The following CDH12 variants were observed in gnomAD, a reference collection of about 807,000 sequenced individuals.
The protein encoded by CDH12 is cadherin 12.
In CDH12, 41 loss-of-function variants were observed where a neutral mutation model predicts 74.1. The observed-to-expected ratio is 0.55, with a 90% CI of 0.43 to 0.72. CDH12 has a LOEUF of 0.72. Ranked by LOEUF, CDH12 falls within the 30% of genes least tolerant of loss-of-function variation. The pLI is 0.00. For missense variants in CDH12, 945 were observed against 977.2 expected (o/e 0.97, Z 0.44); for synonymous variants, 399 against 355.0 (o/e 1.12, Z -1.39).
At chr5:21,826,653 G>A (rs552403042) in intron 8 of CDH12, among the ~76,000 whole-genome samples, 1 of 152,210 alleles carries the variant, frequency 6.6e-6, no homozygotes, top group Admixed American at 6.5e-5. Flanking sequence ...ATGTAGCGGG[G>A]AAATTACCCT....
intron 1 of CDH12, among the ~76,000 whole-genome samples, chr5:22,541,569 G>A (rs1219090769): frequency 2.0e-5 from 3 of 152,076 alleles, no homozygotes; most frequent in African/African-American, 7.2e-5. Context: ...TCCTAAGTAA[G>A]GTTATTCTTG....
At chr5:22,701,789 C>A (rs1158859829) in intron 1 of CDH12, among the ~76,000 whole-genome samples, 5 of 152,154 alleles carry the variant, frequency 3.3e-5, no homozygotes, top group Non-Finnish European at 7.4e-5. Context: ...CTTCCTGGTT[C>A]TCCACAACAT....
rs199559709 is a variant in CDH12 at position 22,589,002 on chromosome 5, A to AT, written c.-522-83639dup. 2.5e-3 allele frequency among the ~76,000 whole-genome samples: 375 copies of AT among 152,070 alleles called. 3 individuals are homozygous for AT. The highest frequency in any genetic ancestry group is 8.6e-3 in the African/African-American group (357 of 41,458). On this transcript the variant is annotated intron_variant, in intron 1 of 14. Coordinates refer to ENST00000382254, the MANE Select transcript of CDH12 (RefSeq NM_004061.5). The stretch of plus-strand genomic sequence containing the variant: ...ACAGCCCTGTGTTAGATTTGATTAT[A>AT]TTTTTCATACAAGTCTTTCATACCT...
In CDH12 at chr5:21,854,674, T is replaced by C; in HGVS notation, c.643A>G (p.Thr215Ala). ...TTGCCTCTAATAAAAAATTTACCTG[T>C]CTTGGGATCAATAGAGAAATAAGGT... ...GQPYFSIDPK[T>A]GVIRTALPNM... The change falls in exon 7 of 15, where the codon ACA becomes GCA. Residue 215 changes from threonine (T) to alanine (A), a missense_variant. By Grantham distance (58) the Thr-to-Ala change is moderately conservative. This residue lies in a region of CDH12 where 791 missense variants were observed against 792.8 expected (regional missense o/e 1.00). Coordinates refer to ENST00000382254, the MANE Select transcript of CDH12 (RefSeq NM_004061.5). 1 of 1,605,600 alleles carries C rather than the reference T, an allele frequency of 6.2e-7. No homozygotes were observed. Among genetic ancestry groups the C allele is most frequent in the Non-Finnish European group, 8.5e-7 (1 of 1,174,838 alleles).
chr5:21,760,574 T>C lies in CDH12; in HGVS notation c.1617A>G (p.Thr539=). Residue 539 remains threonine (T), a synonymous_variant, in exon 13 of 15, where the codon ACA becomes ACG. Coordinates refer to ENST00000382254, the MANE Select transcript of CDH12 (RefSeq NM_004061.5). Reference sequence around the variant, plus strand: ...TACACTTACTTCTGAAGTCACGAACTGTAAAATTTGGTTTGATAGCAGCCT... The same window carrying C: ...TACACTTACTTCTGAAGTCACGAACCGTAAAATTTGGTTTGATAGCAGCCT... ...SPEAAIKPNF[T]VRDFRNNTAG... is the part of the protein sequence containing the mutation. The C allele has an allele frequency of 1.9e-6, 3 of 1,582,940 alleles. 1 individual carries two copies. The highest frequency in any genetic ancestry group is 2.2e-5 in the South Asian group (2 of 89,944).
At chr5:21,931,516 C>G (rs1579980275) in intron 6 of CDH12, among the ~76,000 whole-genome samples, 1 of 152,102 alleles carries the variant, frequency 6.6e-6, no homozygotes, top group African/African-American at 2.4e-5. Context: ...AACAAAGTTA[C>G]TCCTGAAAAA....
intron 4 of CDH12, among the ~76,000 whole-genome samples, chr5:22,146,446 T>C (rs887578586): frequency 2.6e-5 from 4 of 152,108 alleles, no homozygotes; most frequent in African/African-American, 9.7e-5. Flanking sequence ...ACAAAGTTGT[T>C]AACACAAAAT....
intron 1 of CDH12, among the ~76,000 whole-genome samples, chr5:22,510,542 C>A (rs1401785963): frequency 6.6e-6 from 1 of 152,118 alleles, no homozygotes; most frequent in Admixed American, 6.5e-5. Context: ...CCTTAGGCAG[C>A]CACAAGGGAT....
intron 1 of CDH12, among the ~76,000 whole-genome samples, chr5:22,838,436 C>T (rs1581050818): frequency 6.6e-6 from 1 of 152,104 alleles, no homozygotes; most frequent in East Asian, 1.9e-4. Context: ...CAGCTTACAA[C>T]TCATTTGTGT....
chr5:22,089,236 C>T (rs1034877892), intron 4 of CDH12, among the ~76,000 whole-genome samples: 23 of 152,080 alleles, frequency 1.5e-4, no homozygotes, highest in Non-Finnish European at 4.4e-5. Context: ...ATAACAACAA[C>T]CCCCAGGAAA....
intron 4 of CDH12, among the ~76,000 whole-genome samples, chr5:22,079,599 C>T (rs1470037103): frequency 6.6e-6 from 1 of 151,988 alleles, no homozygotes; most frequent in Non-Finnish European, 1.5e-5. Context: ...TTTCTCTAGC[C>T]TGGATATACC....
chr5:22,310,632 A>G (rs908641319), intron 3 of CDH12, among the ~76,000 whole-genome samples: 2 of 152,174 alleles, frequency 1.3e-5, no homozygotes, highest in African/African-American at 4.8e-5. Flanking sequence ...AATAGCATCT[A>G]CCCAAAAGAA....
chr5:22,269,810 C>T (rs1017908795), intron 3 of CDH12, among the ~76,000 whole-genome samples: 2 of 152,092 alleles, frequency 1.3e-5, no homozygotes, highest in South Asian at 2.1e-4. Flanking sequence ...CGAATATGTT[C>T]CATGAAAATA....
At chr5:22,745,736 C>T (rs962751116) in intron 1 of CDH12, among the ~76,000 whole-genome samples, 6 of 151,906 alleles carry the variant, frequency 3.9e-5, no homozygotes, top group African/African-American at 9.7e-5. Context: ...ACACACAGAG[C>T]GGAACGTATC....
chr5:22,709,111 G>A (rs934772390), intron 1 of CDH12, among the ~76,000 whole-genome samples: 2 of 152,162 alleles, frequency 1.3e-5, no homozygotes, highest in African/African-American at 2.4e-5. Flanking sequence ...CAAGACAGTT[G>A]CAGTCTCCCG....
intron 6 of CDH12, among the ~76,000 whole-genome samples, chr5:21,958,928 A>G (rs1358697051): frequency 1.3e-5 from 2 of 152,034 alleles, no homozygotes; most frequent in Admixed American, 1.3e-4. Context: ...CATGAGCATG[A>G]TATGTTTTCC....
At chr5:21,911,766 T>C (rs1753869246) in intron 6 of CDH12, among the ~76,000 whole-genome samples, 1 of 152,170 alleles carries the variant, frequency 6.6e-6, no homozygotes. Context: ...ATTATTTTTA[T>C]ATAAAATGCT....
At chr5:22,439,092 A>G (rs1177858898) in intron 2 of CDH12, among the ~76,000 whole-genome samples, 2 of 151,824 alleles carry the variant, frequency 1.3e-5, no homozygotes, top group South Asian at 4.1e-4. Flanking sequence ...ATCATCATGG[A>G]CAGGCCAAAC....
chr5:22,322,460 T>C (rs2150438189), intron 3 of CDH12, among the ~76,000 whole-genome samples: 1 of 152,254 alleles, frequency 6.6e-6, no homozygotes, highest in East Asian at 1.9e-4. Flanking sequence ...CAGAAATACT[T>C]TATATCATTA....
Sources: gnomAD v4.1 joint callset for allele counts (sites outside exome capture counted in the v4.1 genomes callset) on GRCh38, gnomAD v4.1.1 for gene constraint, gnomAD v4.1.1 regional missense constraint, MANE v1.5 for transcripts, NCBI Gene and HGNC (gene_info 2026-07-23, HGNC 2026-07-21) for gene names.